Variants in UQCC1 observed in about 807,000 individuals in gnomAD.
UQCC1 encodes ubiquinol-cytochrome c reductase complex assembly factor 1.
In UQCC1, 38 loss-of-function variants were observed where a neutral mutation model predicts 48.0. The ratio of observed to expected loss-of-function variants is 0.79; its 90% CI spans 0.61 to 1.04. UQCC1 has a LOEUF of 1.04. Among genes scored for constraint, UQCC1 ranks in the 50% least tolerant of loss-of-function variants. The pLI is 0.00. For synonymous variants in UQCC1, 111 were observed against 129.2 expected (o/e 0.86, Z 0.95); for missense variants, 368 against 381.8 (o/e 0.96, Z 0.30).
chr20:35,347,883 C>T (rs188952114), intron 6 of UQCC1, among the ~76,000 whole-genome samples: 7 of 152,248 alleles, frequency 4.6e-5, no homozygotes, highest in African/African-American at 1.7e-4. Context: ...GGGTTACATA[C>T]AATCTATTAA....
intron 6 of UQCC1, among the ~76,000 whole-genome samples, chr20:35,349,131 T>C (rs1203462714): frequency 6.6e-6 from 1 of 152,202 alleles, no homozygotes; most frequent in African/African-American, 2.4e-5. Context: ...AATGGTACAA[T>C]GAAATGATTA....
At chr20:35,305,031 C>G (rs992612772) in intron 9 of UQCC1, among the ~76,000 whole-genome samples, 1 of 152,166 alleles carries the variant, frequency 6.6e-6, no homozygotes, top group Non-Finnish European at 1.5e-5. Flanking sequence ...CTTGGGCCAT[C>G]GGCCACACCA....
intron 8 of UQCC1, among the ~76,000 whole-genome samples, chr20:35,309,606 C>T (rs1464573854): frequency 6.6e-6 from 1 of 152,188 alleles, no homozygotes; most frequent in Non-Finnish European, 1.5e-5. Context: ...CATGAGGGCA[C>T]AGCATAATTT....
At chr20:35,312,074 G>A (rs943967780) in intron 8 of UQCC1, among the ~76,000 whole-genome samples, 4 of 152,242 alleles carry the variant, frequency 2.6e-5, no homozygotes, top group East Asian at 1.9e-4. Context: ...TGAAAGGATC[G>A]ACTGAGCCAA....
chr20:35,316,265 C>T (rs1462704895), intron 7 of UQCC1, among the ~76,000 whole-genome samples: 4 of 152,272 alleles, frequency 2.6e-5, no homozygotes, highest in East Asian at 1.9e-4. Flanking sequence ...ATCTCATTTA[C>T]GAAGCACCTG....
At chr20:35,409,001 G>C (rs958678686) in intron 1 of UQCC1, among the ~76,000 whole-genome samples, 1 of 152,130 alleles carries the variant, frequency 6.6e-6, no homozygotes, top group African/African-American at 2.4e-5. Context: ...TTAAACTCAC[G>C]GAGACAGAAA....
chr20:35,404,299 G>C (rs2062215016), intron 1 of UQCC1, among the ~76,000 whole-genome samples: 1 of 152,086 alleles, frequency 6.6e-6, no homozygotes, highest in African/African-American at 2.4e-5. Context: ...GAACCCAGGA[G>C]GCGGAGTTTG....
chr20:35,411,672 G>A (rs2062367146), intron 1 of UQCC1, among the ~76,000 whole-genome samples: 1 of 152,116 alleles, frequency 6.6e-6, no homozygotes, highest in South Asian at 2.1e-4. Flanking sequence ...GGGGAAGCAG[G>A]TACATGGGGG....
chr20:35,393,999 A>G lies in UQCC1; in HGVS notation c.129+93T>C. 7 of 1,245,782 alleles carry G rather than the reference A, an allele frequency of 5.6e-6. No homozygotes were observed. The South Asian group carries it at 7.4e-5, about 13-fold the overall frequency. 77.2% of individuals were successfully genotyped at this position (1,245,782 alleles called of 1,614,324 possible). On this transcript the variant is annotated intron_variant, in intron 2 of 9. Transcript: ENST00000374385. ...CAGAGTGGTCTCATGAGGTTTTTCCATCACACAATTTGGTTGGCTAATCTA... is the reference window on the plus strand; with the variant it reads ...CAGAGTGGTCTCATGAGGTTTTTCCGTCACACAATTTGGTTGGCTAATCTA...
intron 6 of UQCC1, among the ~76,000 whole-genome samples, chr20:35,352,776 G>A (rs2061503463): frequency 6.6e-6 from 1 of 152,060 alleles, no homozygotes; most frequent in Non-Finnish European, 1.5e-5. Context: ...TCAAACTCTT[G>A]GACTCAAGCT....
At chr20:35,349,406 T>C (rs1368630655) in intron 6 of UQCC1, among the ~76,000 whole-genome samples, 1 of 152,226 alleles carries the variant, frequency 6.6e-6, no homozygotes, top group African/African-American at 2.4e-5. Context: ...AAAAGACTTA[T>C]AGGCTTAAGT....
chr20:35,375,669 G>T (rs2061787666), intron 4 of UQCC1, among the ~76,000 whole-genome samples: 1 of 152,158 alleles, frequency 6.6e-6, no homozygotes, highest in African/African-American at 2.4e-5. Context: ...ATTCAAGCCA[G>T]GCCAGGCATG....
At chr20:35,403,412 G>A (rs1259476314) in intron 1 of UQCC1, among the ~76,000 whole-genome samples, 1 of 152,070 alleles carries the variant, frequency 6.6e-6, no homozygotes, top group Non-Finnish European at 1.5e-5. Flanking sequence ...GTAGCAATAA[G>A]CACATGTAGC....
intron 8 of UQCC1, 58 bp downstream of exon 8, chr20:35,314,630 C>A: frequency 6.8e-7 from 1 of 1,479,924 alleles, no homozygotes. Context: ...AGGCTCTCAT[C>A]AAAAGCCTTT....
At chr20:35,312,703 T>C (rs932583225) in intron 8 of UQCC1, among the ~76,000 whole-genome samples, 3 of 152,180 alleles carry the variant, frequency 2.0e-5, no homozygotes, top group African/African-American at 7.2e-5. Context: ...CACCATTCTT[T>C]CTACATGCTT....
chr20:35,376,783 T>G (rs2061806391), intron 4 of UQCC1, among the ~76,000 whole-genome samples: 1 of 151,890 alleles, frequency 6.6e-6, no homozygotes, highest in African/African-American at 2.4e-5. Context: ...GCCAACATGG[T>G]GAAACTCCAT....
intron 1 of UQCC1, among the ~76,000 whole-genome samples, chr20:35,410,716 A>AAAAAAACAAAAAAAAAC (rs2062342917): frequency 9.2e-6 from 1 of 108,732 alleles, no homozygotes; most frequent in Non-Finnish European, 1.8e-5. Flanking sequence ...AAAAAAAAAA[A>AAAAAAACAAAAAAAAAC]AAAAAAAACA....
At chr20:35,371,427 T>A (rs2061729029) in intron 5 of UQCC1, among the ~76,000 whole-genome samples, 2 of 150,274 alleles carry the variant, frequency 1.3e-5, no homozygotes, top group Non-Finnish European at 3.0e-5. Flanking sequence ...AACCTCTGCC[T>A]CCCGGGTTCA....
At chr20:35,331,978 G>A (rs945450073) in intron 7 of UQCC1, among the ~76,000 whole-genome samples, 4 of 152,226 alleles carry the variant, frequency 2.6e-5, no homozygotes, top group Non-Finnish European at 4.4e-5. Context: ...TATAGAGGAT[G>A]GAATGGAGAC....
Sources: allele counts gnomAD v4.1 joint callset (sites outside exome capture counted in the v4.1 genomes callset), GRCh38; gene constraint gnomAD v4.1.1; transcripts MANE v1.5; gene names NCBI Gene and HGNC (gene_info 2026-07-23, HGNC 2026-07-21).